The following MAP6 variants were observed in gnomAD, a reference collection of about 807,000 sequenced individuals.
MAP6 encodes the protein microtubule associated protein 6.
In MAP6, 26 loss-of-function variants were observed where a neutral mutation model predicts 42.4. That is an observed-to-expected ratio of 0.61 (90% CI 0.45 to 0.85). The LOEUF (loss-of-function observed/expected upper bound fraction) is 0.85. Ranked by LOEUF, MAP6 falls within the 40% of genes least tolerant of loss-of-function variation. The pLI is 0.00. For synonymous variants in MAP6, 418 were observed against 443.8 expected (o/e 0.94, Z 0.73); for missense variants, 966 against 1,099.0 (o/e 0.88, Z 1.71).
chr11:75,630,855 C>T (rs1943274308), intron 1 of MAP6, among the ~76,000 whole-genome samples: 3 of 152,154 alleles, frequency 2.0e-5, no homozygotes, highest in Non-Finnish European at 4.4e-5. Flanking sequence ...CTTTTAAGAA[C>T]AATTGTCCAA....
chr11:75,587,969 A>G lies in MAP6; in HGVS notation c.1532T>C (p.Val511Ala). The G allele has an allele frequency of 6.2e-7, 1 of 1,614,144 alleles. No individual in the cohort carries two copies. Among genetic ancestry groups the G allele is most frequent in the Non-Finnish European group, 8.5e-7 (1 of 1,180,030 alleles). ...GCTTTCATTCTTTAAAGGCTCAGGG[A>G]CCGTGTGATCTTGATCCTTGACTGG... ...PLPVKDQDHT[V>A]PEPLKNESPV... is the part of the protein sequence containing the mutation. The change falls in exon 4 of 4, where the codon GTC (valine) becomes GCC (alanine). Residue 511 changes from valine (V) to alanine (A), a missense_variant. By Grantham distance (64) the Val-to-Ala change is moderately conservative (BLOSUM62 0). Around this residue, in one of 2 missense-constraint regions of MAP6, gnomAD observed 943 missense variants for 1,049.9 expected, o/e 0.90. Coordinates refer to ENST00000304771, the MANE Select transcript of MAP6 (RefSeq NM_033063.2).
rs184471266 is a variant in MAP6, at chr11:75,653,567, T to C, written c.905+13898A>G. Among the ~76,000 whole-genome samples, 1,035 of 152,382 alleles carry C rather than the reference T, an allele frequency of 6.8e-3. 7 individuals are homozygous for C. Among genetic ancestry groups the C allele is most frequent in the South Asian group, 8.1e-3 (39 of 4,832 alleles). ...TCTGAATTCATTTTCAGAGCAAATT[T>C]AAACTTGCTAAAAATCATTCTTTTC... On this transcript the variant is annotated intron_variant, in intron 1 of 3. Transcript: ENST00000304771.
At chr11:75,625,079 G>C (rs950437857) in intron 1 of MAP6, among the ~76,000 whole-genome samples, 1 of 152,164 alleles carries the variant, frequency 6.6e-6, no homozygotes, top group Admixed American at 6.5e-5. Context: ...GCCTCGCCGA[G>C]GAATCTCAGG....
intron 3 of MAP6, chr11:75,604,700 C>A: frequency 1.0e-6 from 1 of 985,312 alleles, no homozygotes. Flanking sequence ...CACACACACA[C>A]GACACGGAAT....
intron 3 of MAP6, chr11:75,596,748 C>G (rs1365474755): frequency 6.6e-6 from 1 of 152,362 alleles, no homozygotes; most frequent in Non-Finnish European, 1.5e-5. Context: ...AGGAGAAATG[C>G]TGCCTCCACA....
At chr11:75,608,415 T>TG in intron 1 of MAP6, 93 bp from the exon 2 acceptor site, 2 of 965,888 alleles carry the variant, frequency 2.1e-6, no homozygotes, top group African/African-American at 1.6e-5. Flanking sequence ...AAGCTCTCCA[T>TG]CAGTGCTTGC....
intron 3 of MAP6, among the ~76,000 whole-genome samples, chr11:75,599,416 T>G (rs1195816239): frequency 6.6e-6 from 1 of 152,212 alleles, no homozygotes; most frequent in Admixed American, 6.5e-5. Flanking sequence ...ACTGAGTATA[T>G]TTTTTGTGAA....
At position 75,668,128 on chromosome 11, in the gene MAP6, C is replaced by G; in HGVS notation, c.242G>C (p.Arg81Pro). 8.2e-7 allele frequency: 1 copy of G among 1,220,384 alleles called. No homozygotes were observed. The highest frequency in any genetic ancestry group is 1.0e-6 in the Non-Finnish European group (1 of 984,320). 75.6% of individuals were successfully genotyped at this position (1,220,384 alleles called of 1,614,324 possible). A position where few individuals can be genotyped will look rare whatever the true frequency, so the allele number is the denominator to read the frequency against. ...AGGCCCAGGCGCTGGCCCCGTTGCC[C>G]GGGCAACTGCATCCAACTCGCCCTG... ...PAQGELDAVA[R>P]ATGPAPGPTG... Residue 81 changes from arginine to proline, a missense_variant, in exon 1 of 4, where the codon CGG becomes CCG. Transcript: ENST00000304771.
intron 3 of MAP6, among the ~76,000 whole-genome samples, chr11:75,588,540 T>G (rs552706279): frequency 1.0e-3 from 155 of 152,278 alleles, no homozygotes; most frequent in Non-Finnish European, 1.9e-3. Context: ...AGGTCCCTAC[T>G]TTTTCTTCTA....
chr11:75,642,800 C>T, intron 1 of MAP6: 1 of 413,458 alleles, frequency 2.4e-6, no homozygotes, highest in Non-Finnish European at 5.1e-6. Context: ...GAATGAGACA[C>T]CTAAAAATTG....
At chr11:75,661,422 T>G (rs1198755313) in intron 1 of MAP6, among the ~76,000 whole-genome samples, 1 of 152,052 alleles carries the variant, frequency 6.6e-6, no homozygotes, top group African/African-American at 2.4e-5. Context: ...ATCTTACTTA[T>G]GAATATATAC....
At chr11:75,623,256 A>G (rs1304225919) in intron 1 of MAP6, among the ~76,000 whole-genome samples, 2 of 152,240 alleles carry the variant, frequency 1.3e-5, no homozygotes, top group Non-Finnish European at 2.9e-5. Flanking sequence ...GATTCCAACT[A>G]TATGAAAATT....
chr11:75,665,646 T>C (rs1329902299), intron 1 of MAP6, among the ~76,000 whole-genome samples: 1 of 152,228 alleles, frequency 6.6e-6, no homozygotes, highest in Admixed American at 6.5e-5. Context: ...AAGCAAGCCA[T>C]AGCAGAACTA....
At chr11:75,590,062 T>C (rs1249415749) in intron 3 of MAP6, among the ~76,000 whole-genome samples, 1 of 152,120 alleles carries the variant, frequency 6.6e-6, no homozygotes, top group African/African-American at 2.4e-5. Context: ...TCTGGCCAGA[T>C]AGACACAGTT....
intron 3 of MAP6, among the ~76,000 whole-genome samples, chr11:75,598,627 C>T (rs903830768): frequency 2.0e-5 from 3 of 152,192 alleles, no homozygotes; most frequent in Non-Finnish European, 4.4e-5. Context: ...AGAGAAGAGC[C>T]TTGTGGAAGC....
intron 3 of MAP6, among the ~76,000 whole-genome samples, chr11:75,601,087 TG>T (rs1357761502): frequency 6.6e-6 from 1 of 152,190 alleles, no homozygotes; most frequent in Admixed American, 6.5e-5. Flanking sequence ...GAAGAGCCCC[TG>T]GGGGAGCCCT....
At chr11:75,630,288 G>C (rs1432024423) in intron 1 of MAP6, among the ~76,000 whole-genome samples, 1 of 152,164 alleles carries the variant, frequency 6.6e-6, no homozygotes, top group Admixed American at 6.5e-5. Context: ...TATAGAATGA[G>C]CTATGAAGTG....
At position 75,588,034 on chromosome 11, in the gene MAP6, G is replaced by T. The variant is rs1942395230; in HGVS notation, c.1467C>A (p.Val489=). Residue 489 remains valine, a synonymous_variant, in exon 4 of 4, where the codon GTC becomes GTA. Coordinates refer to ENST00000304771, the MANE Select transcript of MAP6 (RefSeq NM_033063.2). ...QEPLKKQGSV[V]PGPPKDLGPM... is the part of the protein sequence containing the mutation. ...GACCTAGATCCTTTGGAGGCCCTGGGACCACAGAACCTTGCTTCTTCAGAG... is the reference window on the plus strand; with the variant it reads ...GACCTAGATCCTTTGGAGGCCCTGGTACCACAGAACCTTGCTTCTTCAGAG... 11 of 1,614,028 alleles carry T rather than the reference G, an allele frequency of 6.8e-6. No homozygotes were observed. The highest frequency in any genetic ancestry group is 9.3e-6 in the Non-Finnish European group (11 of 1,180,018).
At chr11:75,593,614 C>T (rs1942520259) in intron 3 of MAP6, among the ~76,000 whole-genome samples, 1 of 152,204 alleles carries the variant, frequency 6.6e-6, no homozygotes, top group East Asian at 1.9e-4. Flanking sequence ...AAGCAGCCAA[C>T]AGCTGTGGCA....
Sources: allele counts gnomAD v4.1 joint callset (sites outside exome capture counted in the v4.1 genomes callset), GRCh38; gene constraint gnomAD v4.1.1; regional missense constraint gnomAD v4.1.1; transcripts MANE v1.5; gene names NCBI Gene and HGNC (gene_info 2026-07-23, HGNC 2026-07-21).